Variants in ENOX1 observed in about 807,000 individuals in gnomAD.
ENOX1 encodes the protein ecto-NOX disulfide-thiol exchanger 1.
In ENOX1, 42 loss-of-function variants were observed where a neutral mutation model predicts 82.5. The observed-to-expected ratio is 0.51, with a 90% CI of 0.40 to 0.66. ENOX1 has a LOEUF of 0.66. ENOX1 is among the 30% of genes least tolerant of loss of function. The pLI, the probability that ENOX1 is intolerant of heterozygous loss-of-function variation, is 0.00. For synonymous variants in ENOX1, 271 were observed against 282.2 expected (o/e 0.96, Z 0.40); for missense variants, 608 against 811.6 (o/e 0.75, Z 3.05).
intron 3 of ENOX1, among the ~76,000 whole-genome samples, chr13:43,466,641 G>C (rs928949516): frequency 2.6e-5 from 4 of 152,060 alleles, no homozygotes; most frequent in African/African-American, 9.7e-5. Flanking sequence ...TTTTTTATTG[G>C]AGATATAATT....
chr13:43,600,944 G>C (rs950515647), intron 2 of ENOX1, among the ~76,000 whole-genome samples: 1 of 152,172 alleles, frequency 6.6e-6, no homozygotes, highest in Admixed American at 6.5e-5. Context: ...AGCTCTCTGA[G>C]TCTGCAAGCG....
chr13:43,310,176 T>A (rs1421958150), intron 11 of ENOX1, among the ~76,000 whole-genome samples: 1 of 106,180 alleles, frequency 9.4e-6, no homozygotes, highest in Non-Finnish European at 1.7e-5. Context: ...TCTACCCTGG[T>A]GACAGAGCGA....
chr13:43,600,794 A>T (rs1054479308), intron 2 of ENOX1, among the ~76,000 whole-genome samples: 21 of 152,000 alleles, frequency 1.4e-4, no homozygotes, highest in African/African-American at 5.1e-4. Context: ...TGCTTATGTC[A>T]CCCCTCTTCC....
At chr13:43,677,458 C>T (rs902380401) in intron 1 of ENOX1, among the ~76,000 whole-genome samples, 13 of 152,122 alleles carry the variant, frequency 8.5e-5, no homozygotes, top group Admixed American at 6.5e-5. Flanking sequence ...GCCAATGCCA[C>T]CTAAACTGGA....
intron 11 of ENOX1, among the ~76,000 whole-genome samples, chr13:43,311,892 G>A (rs2047222173): frequency 6.6e-6 from 1 of 152,206 alleles, no homozygotes; most frequent in African/African-American, 2.4e-5. Context: ...AGAAATGGAT[G>A]GCTTTAGGAG....
intron 8 of ENOX1, among the ~76,000 whole-genome samples, chr13:43,352,415 A>C (rs893727838): frequency 4.6e-5 from 7 of 152,224 alleles, no homozygotes; most frequent in African/African-American, 1.7e-4. Context: ...TCACTGTCTA[A>C]TCAATCTCTT....
chr13:43,571,358 C>T (rs534219618), intron 2 of ENOX1, among the ~76,000 whole-genome samples: 2 of 152,222 alleles, frequency 1.3e-5, no homozygotes, highest in South Asian at 2.1e-4. Flanking sequence ...AGGTGGGAAT[C>T]GGGTGCTTAA....
chr13:43,640,882 G>A (rs868842608), intron 2 of ENOX1, among the ~76,000 whole-genome samples: 149 of 134,692 alleles, frequency 1.1e-3, no homozygotes, highest in African/African-American at 4.1e-3. Context: ...ACACACACAC[G>A]CGCACACACA....
intron 5 of ENOX1, among the ~76,000 whole-genome samples, chr13:43,410,109 T>C (rs1328820353): frequency 1.3e-5 from 2 of 152,196 alleles, no homozygotes; most frequent in East Asian, 1.9e-4. Context: ...AAATTGGTCA[T>C]GGTTAAAACG....
chr13:43,558,012 A>G (rs2079516910), intron 2 of ENOX1, among the ~76,000 whole-genome samples: 1 of 152,156 alleles, frequency 6.6e-6, no homozygotes, highest in African/African-American at 2.4e-5. Flanking sequence ...TGTCCCACTG[A>G]GGGAAATCAC....
At chr13:43,456,305 C>T (rs1263713904) in intron 3 of ENOX1, among the ~76,000 whole-genome samples, 1 of 151,680 alleles carries the variant, frequency 6.6e-6, no homozygotes, top group Non-Finnish European at 1.5e-5. Flanking sequence ...TCTGATGGCC[C>T]TTCATTACTC....
At chr13:43,226,138 T>A (rs1262819637) in intron 15 of ENOX1, among the ~76,000 whole-genome samples, 1 of 152,208 alleles carries the variant, frequency 6.6e-6, no homozygotes, top group Non-Finnish European at 1.5e-5. Context: ...AAATTCTCAA[T>A]TCTGGTGAAG....
At chr13:43,243,919 T>G (rs934144359) in intron 14 of ENOX1, among the ~76,000 whole-genome samples, 1 of 152,020 alleles carries the variant, frequency 6.6e-6, no homozygotes, top group South Asian at 2.1e-4. Context: ...AAGTCCTGTA[T>G]CTCCCAGAGG....
At chr13:43,720,509 C>A (rs1594562115) in intron 1 of ENOX1, among the ~76,000 whole-genome samples, 1 of 152,188 alleles carries the variant, frequency 6.6e-6, no homozygotes, top group Non-Finnish European at 1.5e-5. Context: ...TTGGACTTAC[C>A]TTTTTCTCTA....
At chr13:43,269,124 T>C (rs1459217463) in intron 13 of ENOX1, among the ~76,000 whole-genome samples, 2 of 152,246 alleles carry the variant, frequency 1.3e-5, no homozygotes, top group Admixed American at 1.3e-4. Flanking sequence ...TATGCTGAAC[T>C]CATTTTCCTC....
Position 43,349,599 on chromosome 13 carries a change from G to A in ENOX1, c.824-4849C>T, listed in dbSNP as rs111933317. Among the ~76,000 whole-genome samples the A allele has an allele frequency of 5.3e-4, 80 of 152,278 alleles. 1 individual carries two copies. Among genetic ancestry groups the A allele is most frequent in the African/African-American group, 1.6e-3 (68 of 41,546 alleles). On this transcript the variant is annotated intron_variant, in intron 8 of 16. Transcript: ENST00000690772. ...TCTTTGCTATATTCTAAGACCAGGT[G>A]CAGGAGCAGCCTTTGTGAGCTTGTT...
At chr13:43,641,394 C>A (rs116323561) in intron 2 of ENOX1, among the ~76,000 whole-genome samples, 26 of 152,234 alleles carry the variant, frequency 1.7e-4, no homozygotes, top group African/African-American at 5.5e-4. Flanking sequence ...AGTGCTATCC[C>A]TATCTTGAGA....
intron 11 of ENOX1, among the ~76,000 whole-genome samples, chr13:43,314,489 G>T (rs2047372253): frequency 6.6e-6 from 1 of 152,186 alleles, no homozygotes; most frequent in Admixed American, 6.5e-5. Flanking sequence ...AAGCTCATGT[G>T]CAACAGTGTT....
rs998124349 is a variant in ENOX1 at position 43,300,884 on chromosome 13, A to G, written c.1262-2354T>C. ...TTACAGTTTTCAGAGACCTACTCATAAAATCAGAAATTATCCAGCACATAA... is the reference window on the plus strand; with the variant it reads ...TTACAGTTTTCAGAGACCTACTCATGAAATCAGAAATTATCCAGCACATAA... On this transcript the variant is annotated intron_variant, in intron 11 of 16. Transcript: ENST00000690772. Among the ~76,000 whole-genome samples the G allele has an allele frequency of 2.0e-5, 3 of 152,230 alleles. No homozygotes were observed. In the East Asian group the frequency reaches 5.8e-4, roughly 29 times the overall value.
Sources: gnomAD v4.1 joint callset for allele counts (sites outside exome capture counted in the v4.1 genomes callset) on GRCh38, gnomAD v4.1.1 for gene constraint, MANE v1.5 for transcripts, NCBI Gene and HGNC (gene_info 2026-07-23, HGNC 2026-07-21) for gene names.